Variants in HS6ST3 observed in about 807,000 individuals in gnomAD.
HS6ST3 encodes heparan sulfate 6-O-sulfotransferase 3.
Under a neutral mutation model 36.7 loss-of-function variants are expected in HS6ST3, and 12 were observed. That is an observed-to-expected ratio of 0.33 (90% CI 0.21 to 0.53). HS6ST3 has a LOEUF of 0.53. HS6ST3 is among the 20% of genes least tolerant of loss of function. HS6ST3 has a pLI of 0.95. For missense variants in HS6ST3, 584 were observed against 640.9 expected (o/e 0.91, Z 0.96); for synonymous variants, 240 against 257.5 (o/e 0.93, Z 0.65).
intron 1 of HS6ST3, among the ~76,000 whole-genome samples, chr13:96,821,935 C>T (rs1408077739): frequency 6.6e-6 from 1 of 152,190 alleles, no homozygotes; most frequent in East Asian, 1.9e-4. Flanking sequence ...AATATTGGCA[C>T]ACATGCCTTG....
chr13:96,525,521 G>A (rs867279520), intron 1 of HS6ST3, among the ~76,000 whole-genome samples: 5 of 151,996 alleles, frequency 3.3e-5, no homozygotes, highest in South Asian at 2.1e-4. Flanking sequence ...AGGAACTGTG[G>A]ACGTTTTCCT....
At chr13:96,804,634 A>G (rs1301450859) in intron 1 of HS6ST3, among the ~76,000 whole-genome samples, 3 of 151,628 alleles carry the variant, frequency 2.0e-5, no homozygotes, top group Non-Finnish European at 4.4e-5. Flanking sequence ...TTTTTTAGCG[A>G]TTGTGATGTG....
chr13:96,635,254 G>A (rs2056545306), intron 1 of HS6ST3, among the ~76,000 whole-genome samples: 1 of 40,454 alleles, frequency 2.5e-5, no homozygotes, highest in Admixed American at 4.2e-4. Context: ...TTCATAAGAT[G>A]TAAGTTTTTT....
chr13:96,370,328 C>T (rs1405245985), intron 1 of HS6ST3, among the ~76,000 whole-genome samples: 1 of 152,094 alleles, frequency 6.6e-6, no homozygotes, highest in Non-Finnish European at 1.5e-5. Context: ...TTTCTCTCTC[C>T]CTTCAGAACA....
chr13:96,119,955 G>GAAA (rs2053917580), intron 1 of HS6ST3, among the ~76,000 whole-genome samples: 1 of 151,898 alleles, frequency 6.6e-6, no homozygotes, highest in Non-Finnish European at 1.5e-5. Flanking sequence ...CAGAAAATCA[G>GAAA]TTGAAGTTCT....
chr13:96,403,182 CTTTG>C lies in HS6ST3; in HGVS notation c.707+311619_707+311622del, dbSNP rs559034975. On this transcript the variant is annotated intron_variant, in intron 1 of 1. Coordinates refer to ENST00000376705, the MANE Select transcript of HS6ST3 (RefSeq NM_153456.4). ...ATGTGCTTATTGGCCCTGCAAACATCTTTGTTTGTGAAGTGTCGGTTCATCTTTT... is the reference window on the plus strand; with the variant it reads ...ATGTGCTTATTGGCCCTGCAAACATCTTTGTGAAGTGTCGGTTCATCTTTT... Among the ~76,000 whole-genome samples the C allele has an allele frequency of 5.3e-3, 808 of 152,238 alleles. 4 individuals carry two copies. Among genetic ancestry groups the C allele is most frequent in the Non-Finnish European group, 9.4e-3 (638 of 68,010 alleles).
intron 1 of HS6ST3, among the ~76,000 whole-genome samples, chr13:96,729,215 C>T (rs139196390): frequency 2.0e-4 from 31 of 152,076 alleles, no homozygotes; most frequent in East Asian, 1.2e-3. Context: ...TTAAATAGAA[C>T]GGCCACTCTG....
intron 1 of HS6ST3, among the ~76,000 whole-genome samples, chr13:96,102,988 T>C: frequency 6.6e-6 from 1 of 152,226 alleles, no homozygotes; most frequent in Non-Finnish European, 1.5e-5. Context: ...ATTTTATCGG[T>C]ACGTGTTTTT....
chr13:96,226,903 C>T (rs1254265056), intron 1 of HS6ST3, among the ~76,000 whole-genome samples: 1 of 152,112 alleles, frequency 6.6e-6, no homozygotes, highest in Non-Finnish European at 1.5e-5. Context: ...TAACATTATT[C>T]ACATTAATTG....
At chr13:96,729,676 A>G (rs1225019053) in intron 1 of HS6ST3, among the ~76,000 whole-genome samples, 2 of 151,938 alleles carry the variant, frequency 1.3e-5, no homozygotes, top group Non-Finnish European at 2.9e-5. Flanking sequence ...CATGTTGGCC[A>G]GGCTGGTCTC....
At chr13:96,691,954 C>T (rs557112400) in intron 1 of HS6ST3, among the ~76,000 whole-genome samples, 2 of 152,048 alleles carry the variant, frequency 1.3e-5, no homozygotes, top group Non-Finnish European at 2.9e-5. Flanking sequence ...GTGAGAGAAA[C>T]AGCATTCAAA....
At chr13:96,609,091 T>C (rs2056448701) in intron 1 of HS6ST3, among the ~76,000 whole-genome samples, 1 of 151,940 alleles carries the variant, frequency 6.6e-6, no homozygotes, top group African/African-American at 2.4e-5. Flanking sequence ...TGCCTCAGCC[T>C]CCCGAGTAGC....
chr13:96,433,806 G>C (rs184808706), intron 1 of HS6ST3, among the ~76,000 whole-genome samples: 1 of 152,226 alleles, frequency 6.6e-6, no homozygotes, highest in East Asian at 1.9e-4. Flanking sequence ...TTGGTGGCAG[G>C]CACGTGTAAT....
At chr13:96,461,082 T>G (rs935114777) in intron 1 of HS6ST3, among the ~76,000 whole-genome samples, 17 of 152,372 alleles carry the variant, frequency 1.1e-4, no homozygotes, top group African/African-American at 3.8e-4. Context: ...AATTTACATC[T>G]TGGTTTCCCC....
intron 1 of HS6ST3, among the ~76,000 whole-genome samples, chr13:96,599,770 A>G (rs1054603269): frequency 1.3e-5 from 2 of 152,036 alleles, no homozygotes; most frequent in African/African-American, 2.4e-5. Flanking sequence ...AAGCATTAGC[A>G]TTATAAACTT....
At chr13:96,785,461 C>T (rs761264023) in intron 1 of HS6ST3, among the ~76,000 whole-genome samples, 9 of 152,208 alleles carry the variant, frequency 5.9e-5, no homozygotes, top group Non-Finnish European at 8.8e-5. Context: ...CCTGATTCTA[C>T]TGGTCATGAT....
At chr13:96,407,081 A>G (rs1163995692) in intron 1 of HS6ST3, among the ~76,000 whole-genome samples, 1 of 152,214 alleles carries the variant, frequency 6.6e-6, no homozygotes, top group African/African-American at 2.4e-5. Flanking sequence ...ACGGGATTTG[A>G]CTTTAAATCC....
At position 96,772,958 on chromosome 13, in the gene HS6ST3, T is replaced by C. The variant is rs141649368; in HGVS notation, c.708-59532T>C. On this transcript the variant is annotated intron_variant, in intron 1 of 1. Transcript: ENST00000376705. ...GGTGGGTGATTTCTGCATTTCCCAC[T>C]GAGGTACCCAGGTCATCTCACTGGG... 1.3e-3 allele frequency among the ~76,000 whole-genome samples: 191 copies of C among 152,204 alleles called. 1 individual carries two copies. The highest frequency in any genetic ancestry group is 4.3e-3 in the African/African-American group (179 of 41,546).
At chr13:96,595,140 C>T (rs184993713) in intron 1 of HS6ST3, among the ~76,000 whole-genome samples, 25 of 152,102 alleles carry the variant, frequency 1.6e-4, no homozygotes, top group Non-Finnish European at 2.6e-4. Flanking sequence ...CAACCTCATG[C>T]GCTCAAGTGA....
Sources: allele counts gnomAD v4.1 joint callset (sites outside exome capture counted in the v4.1 genomes callset), GRCh38; gene constraint gnomAD v4.1.1; transcripts MANE v1.5; gene names NCBI Gene and HGNC (gene_info 2026-07-23, HGNC 2026-07-21).